Variants in PPEF1 observed in about 807,000 individuals in gnomAD.
The protein encoded by PPEF1 is protein phosphatase with EF-hand domain 1.
In PPEF1, 12 loss-of-function variants were observed where a neutral mutation model predicts 53.3. The observed-to-expected ratio is 0.23, with a 90% confidence interval of 0.14 to 0.36. The LOEUF (loss-of-function observed/expected upper bound fraction) is 0.36, where lower values mean the gene tolerates loss of function less well. Ranked by LOEUF, PPEF1 falls within the 10% of genes least tolerant of loss-of-function variation. The pLI is 1.00. For missense variants in PPEF1, 334 were observed against 490.4 expected (o/e 0.68, Z 3.01); for synonymous variants, 165 against 176.7 (o/e 0.93, Z 0.52).
upstream of PPEF1, among the ~76,000 whole-genome samples, chrX:18,682,935 C>A (rs1378135064): frequency 9.0e-6 from 1 of 111,581 alleles, no homozygotes; most frequent in Non-Finnish European, 1.9e-5. Flanking sequence ...GTTCCAGTGG[C>A]TGAGGAGGCC....
chrX:18,820,109 C>T (rs1041424073), intron 13 of PPEF1, among the ~76,000 whole-genome samples: 1 of 111,483 alleles, frequency 9.0e-6, no homozygotes, highest in Non-Finnish European at 1.9e-5. Flanking sequence ...CTAACAAAAA[C>T]AAAGCTAAGA....
chrX:18,678,141 A>AT (rs1928745954), upstream of PPEF1, among the ~76,000 whole-genome samples: 1 of 106,372 alleles, frequency 9.4e-6, no homozygotes, highest in African/African-American at 3.4e-5. Flanking sequence ...AAAAAAAAAA[A>AT]AAAAAAAAGC....
At chrX:18,739,462 C>T (rs899206530) in intron 3 of PPEF1, among the ~76,000 whole-genome samples, 6 of 112,055 alleles carry the variant, frequency 5.4e-5, no homozygotes, top group South Asian at 3.7e-4. Flanking sequence ...TATTGCAGAA[C>T]GGCAAATGTT....
upstream of PPEF1, among the ~76,000 whole-genome samples, chrX:18,680,178 A>G (rs924375655): frequency 9.2e-6 from 1 of 108,935 alleles, no homozygotes; most frequent in African/African-American, 3.4e-5. Flanking sequence ...CTTCAGTTAC[A>G]CTAGGCCTCT....
intron 10 of PPEF1, among the ~76,000 whole-genome samples, chrX:18,798,878 G>A (rs902379276): frequency 6.3e-5 from 7 of 110,671 alleles, no homozygotes; most frequent in African/African-American, 1.3e-4. Flanking sequence ...CACCCATCTC[G>A]GCCTCCCAAA....
chrX:18,692,759 G>A (rs1419324021), intron 4 of PPEF1, among the ~76,000 whole-genome samples: 8 of 111,831 alleles, frequency 7.2e-5, no homozygotes, highest in Non-Finnish European at 1.1e-4. Flanking sequence ...GGCTCCCCTT[G>A]ACTTAAACAG....
At chrX:18,746,378 G>A (rs2045329308) in intron 3 of PPEF1, among the ~76,000 whole-genome samples, 1 of 112,006 alleles carries the variant, frequency 8.9e-6, no homozygotes, top group Non-Finnish European at 1.9e-5. Flanking sequence ...ATTATGATTT[G>A]ACGTTGACTA....
intron 5 of PPEF1, chrX:18,698,007 C>A (rs1929828244): frequency 9.0e-6 from 1 of 111,468 alleles, no homozygotes; most frequent in African/African-American, 3.3e-5. Flanking sequence ...GGTTCAACTC[C>A]CAGTTCCACC....
intron 4 of PPEF1, among the ~76,000 whole-genome samples, chrX:18,691,829 G>T (rs1038604938): frequency 5.4e-5 from 6 of 111,932 alleles, no homozygotes; most frequent in Admixed American, 3.8e-4. Flanking sequence ...AATTGTACAT[G>T]GCAAAGGTAA....
chrX:18,690,469 C>T (rs745323824), intron 3 of PPEF1, among the ~76,000 whole-genome samples: 32 of 108,343 alleles, frequency 3.0e-4, no homozygotes, highest in African/African-American at 1.0e-3. Context: ...CTCCACCTCC[C>T]GAGTTCAAGT....
intron 3 of PPEF1, among the ~76,000 whole-genome samples, chrX:18,738,634 G>A (rs1157039610): frequency 9.0e-6 from 1 of 111,304 alleles, no homozygotes; most frequent in East Asian, 2.8e-4. Context: ...GAGTATCTTT[G>A]TGGCATTCTC....
intron 6 of PPEF1, among the ~76,000 whole-genome samples, chrX:18,772,264 G>A (rs1399777833): frequency 9.0e-6 from 1 of 111,111 alleles, no homozygotes; most frequent in Non-Finnish European, 1.9e-5. Context: ...GGAGGAAGAG[G>A]CGGGATTGGT....
At position 18,733,871 on chromosome X, in the gene PPEF1, C is replaced by T. The variant is rs776515438; in HGVS notation, c.235+63C>T. 1.3e-4 allele frequency: 119 copies of T among 932,251 alleles called. No individual in the cohort carries two copies. In the African/African-American group the frequency reaches 2.0e-3, roughly 15 times the overall value. The allele number at this position is 932,251 out of a possible 1,213,427, so 76.8% of individuals were successfully genotyped here. ...AATATTGAATTGTCTTCATCAAGAG[C>T]GGTAAATTCTGAAGATGGGAGAACA... On this transcript the variant is annotated intron_variant, in intron 3 of 15. Transcript: ENST00000470157.
At chrX:18,708,354 AG>A (rs766739248) in intron 1 of PPEF1, among the ~76,000 whole-genome samples, 1 of 112,272 alleles carries the variant, frequency 8.9e-6, no homozygotes, top group Admixed American at 9.5e-5. Context: ...GTTTCTAAAT[AG>A]ATGGCATGCC....
chrX:18,788,076 G>C (rs777891048), intron 9 of PPEF1, among the ~76,000 whole-genome samples: 10 of 111,642 alleles, frequency 9.0e-5, no homozygotes, highest in African/African-American at 3.2e-4. Context: ...GAGCACTTTG[G>C]GAGGCCAAGG....
At chrX:18,807,267 G>A (rs2046692869) in intron 12 of PPEF1, among the ~76,000 whole-genome samples, 1 of 111,773 alleles carries the variant, frequency 8.9e-6, no homozygotes, top group Admixed American at 9.5e-5. Context: ...CTGACCTCAT[G>A]TGATCTGCCT....
intron 4 of PPEF1, chrX:18,691,715 CAG>C (rs746045891): frequency 3.8e-4 from 43 of 112,014 alleles, no homozygotes; most frequent in Non-Finnish European, 1.1e-4. Flanking sequence ...GATAAAGAAA[CAG>C]ATTGTGGCAA....
chrX:18,759,108 G>T (rs1256434328), intron 5 of PPEF1, among the ~76,000 whole-genome samples: 1 of 111,429 alleles, frequency 9.0e-6, no homozygotes, highest in Non-Finnish European at 1.9e-5. Flanking sequence ...GTGAGACAAA[G>T]ATTAGGGCGT....
chrX:18,781,413 G>C (rs2046082657), intron 7 of PPEF1, among the ~76,000 whole-genome samples: 1 of 111,121 alleles, frequency 9.0e-6, no homozygotes, highest in Non-Finnish European at 1.9e-5. Flanking sequence ...CCACATTTAA[G>C]GTGAGGTAGA....
Sources: allele counts gnomAD v4.1 joint callset (sites outside exome capture counted in the v4.1 genomes callset), GRCh38; gene constraint gnomAD v4.1.1; transcripts MANE v1.5; gene names NCBI Gene and HGNC (gene_info 2026-07-23, HGNC 2026-07-21).